TNS1: variants seen among roughly 807,000 people sequenced by gnomAD.
TNS1 encodes tensin-1.
In TNS1, 62 loss-of-function variants were observed where a neutral mutation model predicts 168.6. The ratio of observed to expected loss-of-function variants is 0.37; its 90% CI spans 0.30 to 0.45. TNS1 has a LOEUF of 0.45. Ranked by LOEUF, TNS1 falls within the 20% of genes least tolerant of loss-of-function variation. TNS1 has a pLI of 1.00. For synonymous variants in TNS1, 934 were observed against 933.2 expected, an observed-to-expected ratio of 1.00 and a Z score of -0.02; for missense variants, 2,240 against 2,339.4, an observed-to-expected ratio of 0.96 and a Z score of 0.88.
chr2:217,866,748 C>T (rs1949312096), intron 18 of TNS1, among the ~76,000 whole-genome samples: 1 of 152,326 alleles, frequency 6.6e-6, no homozygotes, highest in Non-Finnish European at 1.5e-5. Flanking sequence ...CTGGGGCTGG[C>T]CAGTTCAGCC....
chr2:217,807,871 G>T (rs571536660), intron 32 of TNS1, among the ~76,000 whole-genome samples: 1 of 152,200 alleles, frequency 6.6e-6, no homozygotes, highest in Non-Finnish European at 1.5e-5. Context: ...TGGACCAGAC[G>T]CTGGGCCTCT....
chr2:217,985,151 A>G (rs1365886614), intron 2 of TNS1, among the ~76,000 whole-genome samples: 8 of 151,482 alleles, frequency 5.3e-5, no homozygotes, highest in Admixed American at 4.6e-4. Flanking sequence ...TCTTTTCCCA[A>G]GGTGCCACAG....
chr2:217,971,842 G>A (rs1353296614), intron 3 of TNS1, among the ~76,000 whole-genome samples: 1 of 152,198 alleles, frequency 6.6e-6, no homozygotes, highest in East Asian at 1.9e-4. Flanking sequence ...CACTGCTAGA[G>A]ATCTCAGGGG....
Position 217,848,483 on chromosome 2 carries a change from C to T in TNS1, c.2034G>A (p.Met678Ile), listed in dbSNP as rs1350010708. 1.2e-6 allele frequency: 2 copies of T among 1,613,242 alleles called. No homozygotes were observed. The highest frequency in any genetic ancestry group is 1.7e-6 in the Non-Finnish European group (2 of 1,179,480). The change falls in exon 19 of 33, where the codon ATG becomes ATA. Residue 678 changes from methionine to isoleucine, a missense_variant. By Grantham distance (10) the Met-to-Ile change is conservative. This residue lies in a region of TNS1 where 2,131 missense variants were observed against 2,171.2 expected (regional missense o/e 0.98). Transcript: ENST00000682258. ...GLDKSYPMEP[M>I]VNGGGYPYES... The stretch of plus-strand genomic sequence containing the variant: ...CGTAGGGGTAGCCTCCTCCATTGAC[C>T]ATAGGCTCCATGGGGTAGGACTTGT...
chr2:217,942,553 C>T (rs1174913217), intron 3 of TNS1, among the ~76,000 whole-genome samples: 1 of 152,154 alleles, frequency 6.6e-6, no homozygotes, highest in Non-Finnish European at 1.5e-5. Context: ...TGGCCACCAG[C>T]TGGCAGGGGC....
intron 7 of TNS1, 120 bp downstream of exon 7, chr2:217,900,343 C>G: frequency 8.5e-7 from 1 of 1,173,444 alleles, no homozygotes; most frequent in Non-Finnish European, 1.2e-6. Context: ...TTTGCCCACA[C>G]TCCCCACCCG....
At chr2:217,957,893 A>G (rs79164555) in intron 3 of TNS1, among the ~76,000 whole-genome samples, 5,130 of 151,226 alleles carry the variant, frequency 0.034, 286 homozygotes, top group African/African-American at 0.12. Context: ...CAGATGAAAC[A>G]AAAACAGCAA....
Position 217,800,632 on chromosome 2 carries a change from C to T in TNS1, c.*3827G>A, listed in dbSNP as rs1937344975. The T allele has an allele frequency of 1.3e-5, 2 of 152,244 alleles. No individual in the cohort carries two copies. Among genetic ancestry groups the T allele is most frequent in the African/African-American group, 4.8e-5 (2 of 41,422 alleles). The allele number at this position is 152,244 out of a possible 1,614,324, so 9.4% of individuals were successfully genotyped here. Reference sequence around the variant, plus strand: ...GAGTCTCAGGATTCCAGGGCCTGGACCTGGGGTAAAGGGCTGCTCTGGGAC... The same window carrying T: ...GAGTCTCAGGATTCCAGGGCCTGGATCTGGGGTAAAGGGCTGCTCTGGGAC... On this transcript the variant is annotated 3_prime_UTR_variant, in exon 33 of 33. Coordinates refer to ENST00000682258, the MANE Select transcript of TNS1 (RefSeq NM_001387777.1).
intron 19 of TNS1, 54 bp downstream of exon 19, chr2:217,847,456 C>G (rs1440452292): frequency 3.6e-6 from 5 of 1,373,310 alleles, no homozygotes; most frequent in African/African-American, 1.4e-5. Flanking sequence ...CACCTCCCCC[C>G]AGCAAGACCA....
At position 217,817,431 on chromosome 2, in the gene TNS1, C is replaced by T. The variant is rs557701472; in HGVS notation, c.4642+259G>A. The stretch of plus-strand genomic sequence containing the variant: ...GCTATGAGGACGATGATAATCATAA[C>T]AGTAATACTATTCATTATGATTTTT... On this transcript the variant is annotated intron_variant, in intron 24 of 32. Coordinates refer to ENST00000682258, the MANE Select transcript of TNS1 (RefSeq NM_001387777.1). Among the ~76,000 whole-genome samples the T allele has an allele frequency of 2.0e-5, 3 of 152,300 alleles. No homozygotes were observed. In the East Asian group the frequency reaches 5.8e-4, roughly 29 times the overall value.
intron 1 of TNS1, among the ~76,000 whole-genome samples, chr2:218,026,522 C>T (rs1417706728): frequency 6.6e-6 from 1 of 152,184 alleles, no homozygotes; most frequent in Non-Finnish European, 1.5e-5. Flanking sequence ...CAAGTGAAAG[C>T]TCCTCTACCT....
intron 18 of TNS1, among the ~76,000 whole-genome samples, chr2:217,851,237 T>G (rs1030887597): frequency 1.3e-5 from 2 of 151,860 alleles, no homozygotes; most frequent in Admixed American, 1.3e-4. Context: ...GTTCCTACCA[T>G]GCCCAAGGAT....
intron 1 of TNS1, among the ~76,000 whole-genome samples, chr2:218,029,920 A>C (rs1958878835): frequency 6.6e-6 from 1 of 152,196 alleles, no homozygotes; most frequent in Admixed American, 6.5e-5. Context: ...ATACAGACAA[A>C]TGCCTTCACA....
chr2:217,882,832 G>T (rs929118451), intron 16 of TNS1, among the ~76,000 whole-genome samples: 1 of 152,090 alleles, frequency 6.6e-6, no homozygotes, highest in Non-Finnish European at 1.5e-5. Flanking sequence ...ATCTTGCTCT[G>T]TCACCCTAGA....
chr2:217,865,602 G>T (rs1409308284), intron 18 of TNS1, among the ~76,000 whole-genome samples: 2 of 152,204 alleles, frequency 1.3e-5, no homozygotes, highest in African/African-American at 2.4e-5. Context: ...TCCCAGATAA[G>T]CAGCCAGGGC....
intron 3 of TNS1, among the ~76,000 whole-genome samples, chr2:217,946,397 C>T (rs1000479393): frequency 6.6e-6 from 1 of 152,114 alleles, no homozygotes. Context: ...GTGCCCAGCA[C>T]AAGGCTGACA....
intron 22 of TNS1, among the ~76,000 whole-genome samples, chr2:217,825,222 G>A (rs761212524): frequency 2.0e-5 from 3 of 152,148 alleles, no homozygotes; most frequent in Non-Finnish European, 2.9e-5. Context: ...TCTGGCTCAG[G>A]ATAGCTTTGG....
chr2:217,875,948 A>C (rs957587339), intron 18 of TNS1, among the ~76,000 whole-genome samples: 1 of 152,284 alleles, frequency 6.6e-6, no homozygotes. Flanking sequence ...AGTGGGGTGG[A>C]CACCAGCCCC....
In TNS1 at chr2:217,881,054, G is replaced by A. The variant is rs373371052; in HGVS notation, c.1313-40C>T. On this transcript the variant is annotated intron_variant, in intron 17 of 32. Transcript: ENST00000682258. ...AAAGGCAGCGGCAGTCGGGGAGACA[G>A]TGCAGAGAGGGAAAAGAGATCAGCA... is the stretch of plus-strand genomic sequence containing the variant. The A allele has an allele frequency of 2.7e-4, 378 of 1,394,336 alleles. 1 individual carries two copies. The African/African-American group carries it at 4.9e-3, about 18-fold the overall frequency. The allele number at this position is 1,394,336 out of a possible 1,614,324, so 86.4% of individuals were successfully genotyped here.
Sources: allele counts gnomAD v4.1 joint callset (sites outside exome capture counted in the v4.1 genomes callset), GRCh38; gene constraint gnomAD v4.1.1; regional missense constraint gnomAD v4.1.1; transcripts MANE v1.5; gene names NCBI Gene and HGNC (gene_info 2026-07-23, HGNC 2026-07-21).